SLC35F4: variants seen among roughly 807,000 people sequenced by gnomAD.
SLC35F4 encodes the protein chromosome 14 open reading frame 36.
In SLC35F4, 24 loss-of-function variants were observed where a neutral mutation model predicts 44.2. That is an observed-to-expected ratio of 0.54 (90% CI 0.39 to 0.76). The LOEUF is 0.76. SLC35F4 is among the 30% of genes least tolerant of loss of function. The pLI, the probability that SLC35F4 is intolerant of heterozygous loss-of-function variation, is 0.00. For synonymous variants in SLC35F4, 238 were observed against 223.6 expected, an observed-to-expected ratio of 1.06 and a Z score of -0.57; for missense variants, 562 against 586.1, an observed-to-expected ratio of 0.96 and a Z score of 0.42.
intron 1 of SLC35F4, among the ~76,000 whole-genome samples, chr14:57,745,757 T>A (rs1594945497): frequency 6.6e-6 from 1 of 152,268 alleles, no homozygotes; most frequent in South Asian, 2.1e-4. Context: ...GGATTATAAA[T>A]CATGCTACTA....
At chr14:57,922,692 C>G (rs1195740955) in intron 1 of SLC35F4, among the ~76,000 whole-genome samples, 1 of 152,190 alleles carries the variant, frequency 6.6e-6, no homozygotes, top group African/African-American at 2.4e-5. Flanking sequence ...GCACCTTAAT[C>G]AAATCTCTGG....
At chr14:57,620,068 G>T (rs2072089298) in intron 1 of SLC35F4, among the ~76,000 whole-genome samples, 1 of 152,096 alleles carries the variant, frequency 6.6e-6, no homozygotes, top group South Asian at 2.1e-4. Flanking sequence ...GTGTTTGATT[G>T]GTGTACCTGA....
intron 1 of SLC35F4, among the ~76,000 whole-genome samples, chr14:57,738,585 AG>A (rs918496054): frequency 2.0e-5 from 3 of 151,958 alleles, no homozygotes; most frequent in African/African-American, 7.2e-5. Flanking sequence ...AAGATGTTTA[AG>A]GGAAAAAAAT....
At chr14:57,645,168 G>T (rs1478058897) in intron 1 of SLC35F4, among the ~76,000 whole-genome samples, 2 of 152,144 alleles carry the variant, frequency 1.3e-5, no homozygotes, top group African/African-American at 4.8e-5. Context: ...AAAGTCATTG[G>T]TAGCTTGATG....
At chr14:57,858,084 A>G (rs1428904626) in intron 1 of SLC35F4, among the ~76,000 whole-genome samples, 1 of 152,006 alleles carries the variant, frequency 6.6e-6, no homozygotes, top group Non-Finnish European at 1.5e-5. Context: ...TGTTGGTGGG[A>G]CTGTAAACTA....
chr14:57,586,507 A>G (rs1447071462), intron 3 of SLC35F4, among the ~76,000 whole-genome samples: 1 of 151,778 alleles, frequency 6.6e-6, no homozygotes, highest in Non-Finnish European at 1.5e-5. Context: ...CACGAGGTCA[A>G]GAGATCCAGA....
At chr14:57,659,454 G>A (rs1403175045) in intron 1 of SLC35F4, among the ~76,000 whole-genome samples, 2 of 152,166 alleles carry the variant, frequency 1.3e-5, no homozygotes, top group Non-Finnish European at 2.9e-5. Context: ...AAAGGGAGCA[G>A]TCAGAATTAA....
intron 1 of SLC35F4, among the ~76,000 whole-genome samples, chr14:57,780,956 T>C (rs1395911209): frequency 6.6e-6 from 1 of 151,914 alleles, no homozygotes; most frequent in Non-Finnish European, 1.5e-5. Flanking sequence ...CCCAAAACTA[T>C]AAAAACCCTG....
chr14:57,612,352 C>T (rs1566682104), intron 1 of SLC35F4, among the ~76,000 whole-genome samples: 1 of 152,166 alleles, frequency 6.6e-6, no homozygotes, highest in East Asian at 1.9e-4. Flanking sequence ...AAGTCTCATG[C>T]CTGCCTTTTT....
intron 1 of SLC35F4, among the ~76,000 whole-genome samples, chr14:57,671,574 G>A (rs1286540005): frequency 6.6e-6 from 1 of 151,982 alleles, no homozygotes; most frequent in African/African-American, 2.4e-5. Flanking sequence ...CAAATAACCA[G>A]CAGCAATACC....
At chr14:57,722,174 T>C (rs1468949544) in intron 1 of SLC35F4, among the ~76,000 whole-genome samples, 3 of 152,158 alleles carry the variant, frequency 2.0e-5, no homozygotes, top group Non-Finnish European at 2.9e-5. Context: ...TCAGGCCAAA[T>C]TTATTGATTT....
chr14:57,850,964 G>A (rs1327775105), intron 1 of SLC35F4, among the ~76,000 whole-genome samples: 1 of 152,138 alleles, frequency 6.6e-6, no homozygotes, highest in Non-Finnish European at 1.5e-5. Context: ...AGGAAATCTG[G>A]CATTTCTTGA....
intron 1 of SLC35F4, among the ~76,000 whole-genome samples, chr14:57,950,142 C>T (rs1258993408): frequency 2.6e-5 from 4 of 152,092 alleles, no homozygotes; most frequent in Admixed American, 1.3e-4. Context: ...TTAGATTTCT[C>T]GTCTTCCTCA....
intron 1 of SLC35F4, among the ~76,000 whole-genome samples, chr14:57,661,056 C>T (rs945948688): frequency 2.0e-5 from 3 of 152,208 alleles, no homozygotes; most frequent in African/African-American, 7.2e-5. Flanking sequence ...AATAGTTTCA[C>T]ACAAAATTAA....
chr14:57,906,328 A>G (rs1889102830), intron 1 of SLC35F4, among the ~76,000 whole-genome samples: 3 of 152,144 alleles, frequency 2.0e-5, no homozygotes, highest in Non-Finnish European at 4.4e-5. Context: ...GCCTGCATAT[A>G]TTGTACTGCA....
At chr14:57,847,507 T>C (rs1944934620) in intron 1 of SLC35F4, among the ~76,000 whole-genome samples, 2 of 152,214 alleles carry the variant, frequency 1.3e-5, no homozygotes, top group African/African-American at 2.4e-5. Context: ...TTTCTTCAGA[T>C]TAAGTTATAA....
At chr14:57,733,211 G>A (rs749251349) in intron 1 of SLC35F4, among the ~76,000 whole-genome samples, 1 of 152,032 alleles carries the variant, frequency 6.6e-6, no homozygotes, top group Non-Finnish European at 1.5e-5. Flanking sequence ...CTACTGATTT[G>A]GAAAGTACGT....
chr14:57,672,350 GA>G (rs1476727811), intron 1 of SLC35F4, among the ~76,000 whole-genome samples: 1 of 151,986 alleles, frequency 6.6e-6, no homozygotes, highest in African/African-American at 2.4e-5. Flanking sequence ...ATTTAAAAGT[GA>G]AAAATCAAGA....
chr14:57,570,596 T>C (rs949456294), intron 5 of SLC35F4, among the ~76,000 whole-genome samples: 1 of 152,150 alleles, frequency 6.6e-6, no homozygotes, highest in Admixed American at 6.6e-5. Context: ...CACAACAGAT[T>C]ACAGAGAAAG....
Sources: allele counts gnomAD v4.1 joint callset (sites outside exome capture counted in the v4.1 genomes callset), GRCh38; gene constraint gnomAD v4.1.1; transcripts MANE v1.5; gene names NCBI Gene and HGNC (gene_info 2026-07-23, HGNC 2026-07-21).